TNFRSF8: variants seen among roughly 807,000 people sequenced by gnomAD.
TNFRSF8 encodes TNF receptor superfamily member 8.
A neutral mutation model predicts 70.8 loss-of-function variants in TNFRSF8; 26 were observed. The observed-to-expected ratio is 0.37, with a 90% CI of 0.27 to 0.51. The LOEUF (loss-of-function observed/expected upper bound fraction) is 0.51, where lower values mean the gene tolerates loss of function less well. Ranked by LOEUF, TNFRSF8 falls within the 20% of genes least tolerant of loss-of-function variation. The pLI is 0.94. For synonymous variants in TNFRSF8, 356 were observed against 339.2 expected, an observed-to-expected ratio of 1.05 and a Z score of -0.54; for missense variants, 720 against 807.9, an observed-to-expected ratio of 0.89 and a Z score of 1.32.
intron 1 of TNFRSF8, among the ~76,000 whole-genome samples, chr1:12,082,904 A>G (rs541474182): frequency 5.9e-5 from 9 of 152,352 alleles, no homozygotes; most frequent in African/African-American, 1.9e-4. Flanking sequence ...TGCAGTACAT[A>G]TAATCAACAA....
Position 12,109,606 on chromosome 1 carries a change from A to C in TNFRSF8, c.462A>C (p.Pro154=), listed in dbSNP as rs749793374. 1.9e-6 allele frequency: 3 copies of C among 1,613,698 alleles called. No homozygotes were observed. In the East Asian group the frequency reaches 6.7e-5, roughly 36 times the overall value. The change falls in exon 5 of 15, where the codon CCA becomes CCC. Residue 154 remains proline (P), a synonymous_variant. Coordinates refer to ENST00000263932, the MANE Select transcript of TNFRSF8 (RefSeq NM_001243.5). The surrounding 1 kb of genome is among the most constrained non-coding windows in gnomAD (Gnocchi z 4.4). ...QKNTVCEPAS[P]GVSPACASPE... is the part of the protein sequence containing the mutation. ...ACACGGTCTGTGAGCCGGCTTCCCCAGGGGTCAGCCCTGCCTGTGCCAGCC... is the reference window on the plus strand; with the variant it reads ...ACACGGTCTGTGAGCCGGCTTCCCCCGGGGTCAGCCCTGCCTGTGCCAGCC...
intron 2 of TNFRSF8, 33 bp from the exon 3 acceptor site, chr1:12,097,068 C>A: frequency 6.3e-7 from 1 of 1,584,572 alleles, no homozygotes; most frequent in Non-Finnish European, 8.7e-7. Context: ...GCTAAGTCAG[C>A]CTGGCTTGGA....
In TNFRSF8 at chr1:12,112,039, C is replaced by T; in HGVS notation, c.793+25C>T. On this transcript the variant is annotated intron_variant, in intron 7 of 14. Coordinates refer to ENST00000263932, the MANE Select transcript of TNFRSF8 (RefSeq NM_001243.5). The surrounding 1 kb of genome is among the most constrained non-coding windows in gnomAD (Gnocchi z 5.3). ...GGTAAGGGCCTCGTCCCTCCCCGGGCCTCAGTTTACCTCTCTGCATTTTTG... is the reference window on the plus strand; with the variant it reads ...GGTAAGGGCCTCGTCCCTCCCCGGGTCTCAGTTTACCTCTCTGCATTTTTG... 1 of 1,544,052 alleles carries T rather than the reference C, an allele frequency of 6.5e-7. No homozygotes were observed. Among genetic ancestry groups the T allele is most frequent in the Middle Eastern group, 1.7e-4 (1 of 5,918 alleles).
intron 2 of TNFRSF8, 48 bp from the exon 3 acceptor site, chr1:12,097,053 C>T: frequency 6.7e-7 from 1 of 1,486,136 alleles, no homozygotes; most frequent in South Asian, 1.1e-5. Flanking sequence ...GGTCATAAGG[C>T]CTTTGCTAAG....
intron 3 of TNFRSF8, 37 bp downstream of exon 3, chr1:12,097,254 G>T (rs1379857166): frequency 6.8e-7 from 1 of 1,480,406 alleles, no homozygotes; most frequent in South Asian, 1.1e-5. Context: ...CCTCCTTCTA[G>T]GGAGCATGAG....
Position 12,135,620 on chromosome 1 carries a change from A to T in TNFRSF8, c.1335+7A>T. ...ACCCAGGAGGAGCTCAACGGTAAGT[A>T]CCCCTCCCTTGCCCCCACCTCAGCT... On this transcript the variant is annotated splice_region_variant and intron_variant, in intron 13 of 14. Transcript: ENST00000263932. 6.2e-7 allele frequency: 1 copy of T among 1,613,752 alleles called. No homozygotes were observed.
Position 12,138,282 on chromosome 1 carries a change from A to C in TNFRSF8, c.1389A>C (p.Leu463Phe). The C allele has an allele frequency of 6.2e-7, 1 of 1,613,608 alleles. No individual in the cohort carries two copies. The part of the protein sequence containing the change: ...VTEPVAEERG[L>F]MSQPLMETCH... The stretch of plus-strand genomic sequence containing the variant: ...AACCCGTCGCGGAAGAGCGAGGGTT[A>C]ATGAGCCAGCCACTGATGGAGACCT... Residue 463 changes from leucine (L) to phenylalanine (F), a missense_variant, in exon 14 of 15, where the codon TTA becomes TTC. Physicochemically the swap from Leu to Phe is conservative, Grantham distance 22. Coordinates refer to ENST00000263932, the MANE Select transcript of TNFRSF8 (RefSeq NM_001243.5). This position sits in a 1 kb window ranked among gnomAD's most constrained non-coding sequence, Gnocchi z 5.7.
chr1:12,065,988 C>G (rs1339516823), intron 1 of TNFRSF8, among the ~76,000 whole-genome samples: 1 of 152,236 alleles, frequency 6.6e-6, no homozygotes, highest in Non-Finnish European at 1.5e-5. Context: ...TCCAGGGTGG[C>G]TGGACAATTT....
At position 12,141,096 on chromosome 1, in the gene TNFRSF8, A is replaced by C. The variant is rs1642245679; in HGVS notation, c.1544-1191A>C. 6.6e-6 allele frequency among the ~76,000 whole-genome samples: 1 copy of C among 152,134 alleles called. No homozygotes were observed. Among genetic ancestry groups the C allele is most frequent in the Non-Finnish European group, 1.5e-5 (1 of 68,016 alleles). ...TTCTCTCTTTCCTGGGGGTGTTCAA[A>C]ACCAGAATAGAAGAACCAGCGTCAT... is the stretch of plus-strand genomic sequence containing the variant. On this transcript the variant is annotated intron_variant, in intron 14 of 14. Transcript: ENST00000263932. The surrounding 1 kb of genome is among the most constrained non-coding windows in gnomAD (Gnocchi z 5.4).
intron 9 of TNFRSF8, 61 bp from the exon 10 acceptor site, chr1:12,123,654 C>T (rs1641875018): frequency 7.2e-7 from 1 of 1,382,442 alleles, no homozygotes; most frequent in Non-Finnish European, 1.0e-6. Flanking sequence ...GGGAATTATT[C>T]CTGAAGACCC....
intron 12 of TNFRSF8, among the ~76,000 whole-genome samples, chr1:12,133,815 G>A (rs1316392397): frequency 6.6e-6 from 1 of 151,526 alleles, no homozygotes; most frequent in Non-Finnish European, 1.5e-5. Flanking sequence ...CACTTCGAGA[G>A]GCCGAGGCGG....
chr1:12,087,545 A>G (rs1186955976), intron 2 of TNFRSF8, among the ~76,000 whole-genome samples: 3 of 151,548 alleles, frequency 2.0e-5, no homozygotes, highest in Non-Finnish European at 4.4e-5. Flanking sequence ...CAATTCTGGA[A>G]CCCCTTCCTC....
At chr1:12,082,007 A>G (rs201279833) in intron 1 of TNFRSF8, among the ~76,000 whole-genome samples, 10 of 110,198 alleles carry the variant, frequency 9.1e-5, no homozygotes, top group African/African-American at 4.1e-4. Flanking sequence ...CTCTTGCCTC[A>G]CTTCCTGCTT....
rs199941905 is a variant in TNFRSF8 at position 12,108,074 on chromosome 1, A to ATTTTTTTTTTTTTTTTTTTTTTTTT, written c.422-1485_422-1484insTTTTTTTTTTTTTTTTTTTTTTTTT. ...CGAAGTCCCACACATACAGGCCACC[A>ATTTTTTTTTTTTTTTTTTTTTTTTT]TTTTTTTATTTTTTTTTTTTTTGTG... On this transcript the variant is annotated intron_variant, in intron 4 of 14. Transcript: ENST00000263932. This position sits in a 1 kb window ranked among gnomAD's most constrained non-coding sequence, Gnocchi z 4.0. Among the ~76,000 whole-genome samples, 7 of 146,214 alleles carry ATTTTTTTTTTTTTTTTTTTTTTTTT rather than the reference A, an allele frequency of 4.8e-5. No homozygotes were observed. Among genetic ancestry groups the ATTTTTTTTTTTTTTTTTTTTTTTTT allele is most frequent in the African/African-American group, 1.8e-4 (7 of 39,780 alleles).
intron 4 of TNFRSF8, among the ~76,000 whole-genome samples, chr1:12,106,971 C>A (rs553497145): frequency 6.6e-6 from 1 of 152,232 alleles, no homozygotes; most frequent in Non-Finnish European, 1.5e-5. Flanking sequence ...AGGCTTCCTG[C>A]TGGAGGGACT....
At chr1:12,070,163 G>C (rs919335432) in intron 1 of TNFRSF8, among the ~76,000 whole-genome samples, 8 of 39,496 alleles carry the variant, frequency 2.0e-4, no homozygotes, top group African/African-American at 5.9e-4. Context: ...TGGGGGATTG[G>C]GGGGAGCAGG....
chr1:12,079,079 G>C (rs527737259), intron 1 of TNFRSF8, among the ~76,000 whole-genome samples: 72 of 152,140 alleles, frequency 4.7e-4, no homozygotes, highest in Non-Finnish European at 1.0e-3. Flanking sequence ...GGCCCCTTCG[G>C]GGATTTTGCA....
chr1:12,144,043 G>A lies in TNFRSF8; in HGVS notation c.*1512G>A, dbSNP rs1002167023. 6.6e-6 allele frequency: 1 copy of A among 152,268 alleles called. No individual in the cohort carries two copies. The highest frequency in any genetic ancestry group is 2.4e-5 in the African/African-American group (1 of 41,464). The allele number at this position is 152,268 out of a possible 1,614,324, so 9.4% of individuals were successfully genotyped here. On this transcript the variant is annotated 3_prime_UTR_variant, in exon 15 of 15. Coordinates refer to ENST00000263932, the MANE Select transcript of TNFRSF8 (RefSeq NM_001243.5). ...TGTCTCTGCATCACCCACAGCCGCA[G>A]CTGTAAGGCACGCTGGAAGGCACAC...
Position 12,109,711 on chromosome 1 carries a change from C to A in TNFRSF8, c.512+55C>A, listed in dbSNP as rs1641593527. ...CCCCCAAGCTGGCTTTCAGATGAGG[C>A]TGCCCCACCCCACAGGACGCCCATG... On this transcript the variant is annotated intron_variant, in intron 5 of 14. Coordinates refer to ENST00000263932, the MANE Select transcript of TNFRSF8 (RefSeq NM_001243.5). The surrounding 1 kb of genome is among the most constrained non-coding windows in gnomAD (Gnocchi z 4.4). 3.4e-6 allele frequency: 5 copies of A among 1,462,134 alleles called. No individual in the cohort carries two copies. Among genetic ancestry groups the A allele is most frequent in the South Asian group, 2.3e-5 (2 of 86,842 alleles). The allele number at this position is 1,462,134 out of a possible 1,614,324, so 90.6% of individuals were successfully genotyped here. A position where few individuals can be genotyped will look rare whatever the true frequency, so the allele number is the denominator to read the frequency against.
Sources: gnomAD v4.1 joint callset for allele counts (sites outside exome capture counted in the v4.1 genomes callset) on GRCh38, gnomAD v4.1.1 for gene constraint, Gnocchi (gnomAD v3.1) non-coding constraint, MANE v1.5 for transcripts, NCBI Gene and HGNC (gene_info 2026-07-23, HGNC 2026-07-21) for gene names.